C10orf105: variants seen among roughly 807,000 people sequenced by gnomAD.
The protein encoded by C10orf105 is chromosome 10 open reading frame 105.
Under a neutral mutation model 0.6 loss-of-function variants are expected in C10orf105, and 2 were observed. The observed-to-expected ratio is 3.18, with a 90% confidence interval of 1.30 to 10.01. C10orf105 has a LOEUF of 10.01. C10orf105 is among the 30% of genes most tolerant of loss of function. The probability of loss-of-function intolerance (pLI) is 0.04; values close to 1 mark genes in which losing one functional copy is unlikely to be tolerated. For synonymous variants in C10orf105, 95 were observed against 82.4 expected, an observed-to-expected ratio of 1.15 and a Z score of -0.83; for missense variants, 209 against 191.4, an observed-to-expected ratio of 1.09 and a Z score of -0.54.
intron 1 of C10orf105, among the ~76,000 whole-genome samples, chr10:71,731,560 G>A (rs893839123): frequency 2.0e-5 from 3 of 152,174 alleles, no homozygotes; most frequent in Admixed American, 6.5e-5. Flanking sequence ...AGGTGTCCCT[G>A]ACACTGAAGC....
In C10orf105 at chr10:71,712,563, C is replaced by A; in HGVS notation, c.*3373G>T. The stretch of plus-strand genomic sequence containing the variant: ...AAAGGCTAGGGCAGATGGGGCGGAA[C>A]AGGGCACCTCTCTGGCCGGTGCCCG... On this transcript the variant is annotated 3_prime_UTR_variant, in exon 2 of 2. Coordinates refer to ENST00000441508, the MANE Select transcript of C10orf105 (RefSeq NM_001164375.3). 1 of 1,384,930 alleles carries A rather than the reference C, an allele frequency of 7.2e-7. No individual in the cohort carries two copies. The highest frequency in any genetic ancestry group is 1.0e-6 in the Non-Finnish European group (1 of 999,746). 85.8% of individuals were successfully genotyped at this position (1,384,930 alleles called of 1,614,324 possible). A position where few individuals can be genotyped will look rare whatever the true frequency, so the allele number is the denominator to read the frequency against.
In C10orf105 at chr10:71,713,376, A is replaced by T; in HGVS notation, c.*2560T>A. 1.4e-6 allele frequency: 1 copy of T among 734,110 alleles called. No individual in the cohort carries two copies. The highest frequency in any genetic ancestry group is 2.5e-6 in the Non-Finnish European group (1 of 397,434). 45.5% of individuals were successfully genotyped at this position (734,110 alleles called of 1,614,324 possible). On this transcript the variant is annotated 3_prime_UTR_variant, in exon 2 of 2. Coordinates refer to ENST00000441508, the MANE Select transcript of C10orf105 (RefSeq NM_001164375.3). Reference sequence around the variant, plus strand: ...CAGAGGCCTCAGTTGCTGGGTGGGGAGGGAGGCCCGGAGTGAATGAGTCTC... The same window carrying T: ...CAGAGGCCTCAGTTGCTGGGTGGGGTGGGAGGCCCGGAGTGAATGAGTCTC...
intron 1 of C10orf105, chr10:71,734,795 G>A: frequency 1.9e-6 from 1 of 529,702 alleles, no homozygotes; most frequent in South Asian, 1.4e-5. Context: ...CCCCCTCCCA[G>A]TGCCTCCACT....
intron 1 of C10orf105, among the ~76,000 whole-genome samples, chr10:71,733,007 C>A (rs1214416549): frequency 6.6e-6 from 1 of 152,198 alleles, no homozygotes; most frequent in Non-Finnish European, 1.5e-5. Flanking sequence ...CTCAGTCTCA[C>A]AAAACTGCCT....
At chr10:71,726,018 CA>C (rs1866793450) in intron 1 of C10orf105, among the ~76,000 whole-genome samples, 1 of 152,160 alleles carries the variant, frequency 6.6e-6, no homozygotes, top group African/African-American at 2.4e-5. Context: ...GCTGCCTCAT[CA>C]AATGTATTCT....
intron 1 of C10orf105, chr10:71,732,173 T>C (rs534333798): frequency 6.2e-7 from 1 of 1,613,930 alleles, no homozygotes; most frequent in Admixed American, 1.7e-5. Context: ...AGCGTCTACA[T>C]CACTCTGCTC....
intron 1 of C10orf105, among the ~76,000 whole-genome samples, chr10:71,726,975 C>A (rs1215158657): frequency 1.3e-5 from 2 of 152,200 alleles, no homozygotes; most frequent in African/African-American, 2.4e-5. Flanking sequence ...AGATCGAAGC[C>A]AGACTGTGAC....
At chr10:71,716,608 G>A in intron 1 of C10orf105, 1 of 383,080 alleles carries the variant, frequency 2.6e-6, no homozygotes. Flanking sequence ...AGACAAGAGG[G>A]CGGTGGCCTG....
rs767697554 is a variant in C10orf105, at chr10:71,715,599, C to T, written c.*337G>A. On this transcript the variant is annotated 3_prime_UTR_variant, in exon 2 of 2. Transcript: ENST00000441508. Reference sequence around the variant, plus strand: ...CACCTGGAGGGCAAGGCTTCTGTGGCGAGCGAGGGTGCTGCTTCTAGGAGG... The same window carrying T: ...CACCTGGAGGGCAAGGCTTCTGTGGTGAGCGAGGGTGCTGCTTCTAGGAGG... The T allele has an allele frequency of 5.9e-4, 133 of 224,120 alleles. No homozygotes were observed. Among genetic ancestry groups the T allele is most frequent in the Admixed American group, 2.0e-3 (37 of 18,102 alleles). 13.9% of individuals were successfully genotyped at this position (224,120 alleles called of 1,614,324 possible). A position where few individuals can be genotyped will look rare whatever the true frequency, so the allele number is the denominator to read the frequency against.
At position 71,715,501 on chromosome 10, in the gene C10orf105, G is replaced by A. The variant is rs41281312; in HGVS notation, c.*435C>T. Reference sequence around the variant, plus strand: ...GATGCCAGGACAGTGTCTTGGCCCCGGTGTAGGCTGAGCATTTCACTTGAC... The same window carrying A: ...GATGCCAGGACAGTGTCTTGGCCCCAGTGTAGGCTGAGCATTTCACTTGAC... On this transcript the variant is annotated 3_prime_UTR_variant, in exon 2 of 2. Transcript: ENST00000441508. 358 of 156,806 alleles carry A rather than the reference G, an allele frequency of 2.3e-3. 1 individual carries two copies. The highest frequency in any genetic ancestry group is 6.6e-3 in the Middle Eastern group (2 of 304). The allele number at this position is 156,806 out of a possible 1,614,324, so 9.7% of individuals were successfully genotyped here. A position where few individuals can be genotyped will look rare whatever the true frequency, so the allele number is the denominator to read the frequency against.
At chr10:71,737,537 A>G (rs1465368416) in intron 1 of C10orf105, among the ~76,000 whole-genome samples, 1 of 152,252 alleles carries the variant, frequency 6.6e-6, no homozygotes, top group Non-Finnish European at 1.5e-5. Flanking sequence ...CAGCATGCAC[A>G]GGCTTAGCCG....
chr10:71,716,478 G>A (rs111295771), intron 1 of C10orf105, 136 bp from the exon 2 acceptor site: 22 of 660,180 alleles, frequency 3.3e-5, no homozygotes, highest in African/African-American at 3.0e-4. Flanking sequence ...CCACATCACA[G>A]GTTAAGACAG....
chr10:71,736,482 C>G (rs549321339), intron 1 of C10orf105, among the ~76,000 whole-genome samples: 2 of 152,314 alleles, frequency 1.3e-5, no homozygotes, highest in East Asian at 1.9e-4. Flanking sequence ...GGGCATGGCT[C>G]TGCTATAAGA....
At chr10:71,730,704 G>C (rs372028551) in intron 1 of C10orf105, 3 of 1,526,700 alleles carry the variant, frequency 2.0e-6, no homozygotes, top group East Asian at 2.4e-5. Flanking sequence ...GATGCTTCAG[G>C]CTCCCCATTT....
At chr10:71,723,952 G>A (rs1866686716), upstream of C10orf105, 1 of 1,400,082 alleles carries the variant, frequency 7.1e-7, no homozygotes, top group African/African-American at 1.4e-5. Context: ...GGATGGGGTA[G>A]GATGCGTGAA....
intron 1 of C10orf105, among the ~76,000 whole-genome samples, chr10:71,726,898 C>T (rs910489882): frequency 2.0e-5 from 3 of 152,200 alleles, no homozygotes; most frequent in African/African-American, 4.8e-5. Context: ...GGCTGCAAAC[C>T]TCCTTTAGCC....
At chr10:71,725,382 C>T (rs764237187) in intron 1 of C10orf105, 2 of 1,614,020 alleles carry the variant, frequency 1.2e-6, no homozygotes, top group Non-Finnish European at 1.7e-6. Context: ...GTAACCATGG[C>T]AACAACTTCC....
At chr10:71,736,519 G>T (rs567660520) in intron 1 of C10orf105, among the ~76,000 whole-genome samples, 5 of 152,160 alleles carry the variant, frequency 3.3e-5, no homozygotes, top group African/African-American at 7.2e-5. Context: ...AGGCCTTCAG[G>T]GGGTAGGGGA....
intron 1 of C10orf105, chr10:71,730,412 T>A (rs1839330985): frequency 6.3e-7 from 1 of 1,593,002 alleles, no homozygotes; most frequent in Admixed American, 1.7e-5. Context: ...GGCCAAGCCC[T>A]GGGCTTCCCA....
Sources: gnomAD v4.1 joint callset for allele counts (sites outside exome capture counted in the v4.1 genomes callset) on GRCh38, gnomAD v4.1.1 for gene constraint, MANE v1.5 for transcripts, NCBI Gene and HGNC (gene_info 2026-07-23, HGNC 2026-07-21) for gene names.